SLC24A3: variants seen among roughly 807,000 people sequenced by gnomAD.
SLC24A3 encodes the protein sodium/potassium/calcium exchanger 3.
A neutral mutation model predicts 75.8 loss-of-function variants in SLC24A3; 28 were observed. The ratio of observed to expected loss-of-function variants is 0.37; its 90% CI spans 0.27 to 0.51. The LOEUF is 0.51. Among genes scored for constraint, SLC24A3 ranks in the 20% least tolerant of loss-of-function variants. SLC24A3 has a pLI of 0.94. For missense variants in SLC24A3, 663 were observed against 847.8 expected (o/e 0.78, Z 2.71); for synonymous variants, 372 against 334.1 (o/e 1.11, Z -1.24).
Position 19,684,354 on chromosome 20 carries a change from G to A in SLC24A3, c.1062+18G>A. On this transcript the variant is annotated intron_variant, in intron 11 of 16. Transcript: ENST00000328041. ...TCAATGAGGTACCTGGGAAAGCACTGTCCACTGCCCACTGGACAGGGGTGG... is the reference window on the plus strand; with the variant it reads ...TCAATGAGGTACCTGGGAAAGCACTATCCACTGCCCACTGGACAGGGGTGG... 2 of 1,609,514 alleles carry A rather than the reference G, an allele frequency of 1.2e-6. No individual in the cohort carries two copies. The highest frequency in any genetic ancestry group is 1.7e-6 in the Non-Finnish European group (2 of 1,177,362).
intron 2 of SLC24A3, among the ~76,000 whole-genome samples, chr20:19,368,869 G>A (rs1985942685): frequency 6.6e-6 from 1 of 152,156 alleles, no homozygotes; most frequent in Non-Finnish European, 1.5e-5. Context: ...GACCAAAGCT[G>A]GGACAATTTG....
At chr20:19,573,582 G>A (rs1464614521) in intron 3 of SLC24A3, among the ~76,000 whole-genome samples, 1 of 152,140 alleles carries the variant, frequency 6.6e-6, no homozygotes, top group Non-Finnish European at 1.5e-5. Context: ...AATACAGAAG[G>A]AGCTGATTTC....
chr20:19,367,809 G>A (rs1985921108), intron 2 of SLC24A3, among the ~76,000 whole-genome samples: 1 of 152,176 alleles, frequency 6.6e-6, no homozygotes, highest in Non-Finnish European at 1.5e-5. Flanking sequence ...AGTTCCACTT[G>A]GCATTGGTGC....
intron 3 of SLC24A3, among the ~76,000 whole-genome samples, chr20:19,546,708 C>G (rs2030602223): frequency 6.6e-6 from 1 of 152,296 alleles, no homozygotes; most frequent in East Asian, 1.9e-4. Context: ...TCACATAATA[C>G]CCTCAAGCCA....
At chr20:19,345,797 G>A (rs2122315331) in intron 2 of SLC24A3, among the ~76,000 whole-genome samples, 1 of 151,920 alleles carries the variant, frequency 6.6e-6, no homozygotes, top group Non-Finnish European at 1.5e-5. Context: ...GTAGACGTTG[G>A]CGTGGATGTA....
intron 2 of SLC24A3, among the ~76,000 whole-genome samples, chr20:19,300,051 C>G (rs1984158998): frequency 6.6e-6 from 1 of 152,184 alleles, no homozygotes; most frequent in Non-Finnish European, 1.5e-5. Flanking sequence ...AATTCCTGCT[C>G]TGGGAAGTGA....
intron 3 of SLC24A3, among the ~76,000 whole-genome samples, chr20:19,562,693 GT>G (rs2030893827): frequency 6.6e-6 from 1 of 152,208 alleles, no homozygotes; most frequent in Non-Finnish European, 1.5e-5. Flanking sequence ...CCACACAAGT[GT>G]GTTGGCTTTG....
intron 2 of SLC24A3, among the ~76,000 whole-genome samples, chr20:19,370,399 G>A (rs1423885976): frequency 6.6e-6 from 1 of 152,178 alleles, no homozygotes; most frequent in East Asian, 1.9e-4. Context: ...GTGTTTTCAG[G>A]GAGAAGCAGA....
At chr20:19,225,708 C>CT (rs1242402802) in intron 1 of SLC24A3, among the ~76,000 whole-genome samples, 1 of 152,064 alleles carries the variant, frequency 6.6e-6, no homozygotes, top group African/African-American at 2.4e-5. Flanking sequence ...TTGAAACAGG[C>CT]TTTTTTCACT....
intron 1 of SLC24A3, among the ~76,000 whole-genome samples, chr20:19,255,246 C>T (rs1012646): frequency 0.11 from 16,362 of 152,272 alleles, 1,149 homozygotes; most frequent in Non-Finnish European, 0.15. Context: ...TGGCTTATCA[C>T]GGTGACCCAT....
intron 2 of SLC24A3, among the ~76,000 whole-genome samples, chr20:19,469,050 C>A (rs1421414998): frequency 2.0e-5 from 3 of 152,092 alleles, no homozygotes; most frequent in Middle Eastern, 3.2e-3. Context: ...TTTATGATAA[C>A]AAAGGGCAAT....
chr20:19,227,350 T>A (rs1230531316), intron 1 of SLC24A3, among the ~76,000 whole-genome samples: 3 of 152,088 alleles, frequency 2.0e-5, no homozygotes, highest in African/African-American at 7.2e-5. Context: ...AGAGCTTTTA[T>A]ATATTTTGTT....
chr20:19,561,278 T>A (rs1227364187), intron 3 of SLC24A3, among the ~76,000 whole-genome samples: 2 of 152,206 alleles, frequency 1.3e-5, no homozygotes, highest in African/African-American at 4.8e-5. Context: ...GGGCCTAGAT[T>A]TAGACACCAT....
rs747623530 is a variant in SLC24A3 at position 19,313,028 on chromosome 20, C to CTTTTT, written c.271+31963_271+31967dup. 2.5e-4 allele frequency among the ~76,000 whole-genome samples: 17 copies of CTTTTT among 68,322 alleles called. 1 individual carries two copies. The highest frequency in any genetic ancestry group is 1.3e-3 in the East Asian group (2 of 1,556). The allele number at this position is 68,322 out of a possible 152,430, so 44.8% of individuals were successfully genotyped here. A position where few individuals can be genotyped will look rare whatever the true frequency, so the allele number is the denominator to read the frequency against. ...TTCAAGTATTCTTCCTTTTCTCTTG[C>CTTTTT]TTTTTTTTTTTTTTTTTTTTTTTTT... On this transcript the variant is annotated intron_variant, in intron 2 of 16. Transcript: ENST00000328041.
intron 6 of SLC24A3, among the ~76,000 whole-genome samples, chr20:19,589,941 G>A (rs1032707387): frequency 2.6e-5 from 4 of 151,996 alleles, no homozygotes; most frequent in Admixed American, 6.6e-5. Context: ...CCTTCCAAAA[G>A]GGGGAATCTA....
At chr20:19,506,445 G>GA (rs893427363) in intron 2 of SLC24A3, among the ~76,000 whole-genome samples, 26 of 152,016 alleles carry the variant, frequency 1.7e-4, no homozygotes, top group African/African-American at 6.3e-4. Flanking sequence ...AAAAAAACAA[G>GA]AAAAAAGGGG....
intron 1 of SLC24A3, among the ~76,000 whole-genome samples, chr20:19,277,970 C>A (rs932838112): frequency 6.6e-6 from 1 of 152,192 alleles, no homozygotes; most frequent in Non-Finnish European, 1.5e-5. Flanking sequence ...ACGCTGCTGG[C>A]CACAGCATGA....
At chr20:19,589,582 A>C (rs12624316) in intron 6 of SLC24A3, among the ~76,000 whole-genome samples, 21,709 of 152,216 alleles carry the variant, frequency 0.14, 1,696 homozygotes, top group African/African-American at 0.2. Context: ...TTAAAACAAT[A>C]CACTTCCTGG....
At chr20:19,627,912 C>T (rs138685951) in intron 6 of SLC24A3, among the ~76,000 whole-genome samples, 2,669 of 151,780 alleles carry the variant, frequency 0.018, 38 homozygotes, top group Non-Finnish European at 0.027. Context: ...AAGAAAATAC[C>T]CTCAGCTGGG....
Sources: gnomAD v4.1 joint callset for allele counts (sites outside exome capture counted in the v4.1 genomes callset) on GRCh38, gnomAD v4.1.1 for gene constraint, MANE v1.5 for transcripts, NCBI Gene and HGNC (gene_info 2026-07-23, HGNC 2026-07-21) for gene names.